The following PSD3 variants were observed in gnomAD, a reference collection of about 807,000 sequenced individuals.
PSD3 encodes the protein pleckstrin and Sec7 domain containing 3.
Under a neutral mutation model 105.5 loss-of-function variants are expected in PSD3, and 49 were observed. The observed-to-expected ratio is 0.46, with a 90% CI of 0.37 to 0.59. The LOEUF is 0.59. Ranked by LOEUF, PSD3 falls within the 20% of genes least tolerant of loss-of-function variation. The probability of loss-of-function intolerance (pLI) is 0.00; values close to 1 mark genes in which losing one functional copy is unlikely to be tolerated. For missense variants in PSD3, 1,561 were observed against 1,263.8 expected (o/e 1.24, Z -3.57); for synonymous variants, 557 against 457.8 (o/e 1.22, Z -2.77).
chr8:18,692,590 G>A (rs938699091), intron 9 of PSD3, among the ~76,000 whole-genome samples: 2 of 152,176 alleles, frequency 1.3e-5, no homozygotes, highest in African/African-American at 4.8e-5. Context: ...ATTTAAGAAG[G>A]ATGATGAGAG....
chr8:18,716,116 A>G (rs1189502764), intron 9 of PSD3, among the ~76,000 whole-genome samples: 2 of 152,206 alleles, frequency 1.3e-5, no homozygotes, highest in Admixed American at 1.3e-4. Context: ...ATGAGTGCAG[A>G]GAACAAAATC....
chr8:18,862,139 C>A (rs1225580882), intron 4 of PSD3, among the ~76,000 whole-genome samples: 1 of 152,138 alleles, frequency 6.6e-6, no homozygotes, highest in African/African-American at 2.4e-5. Flanking sequence ...ATTGTTAGGC[C>A]ACTTGACTTT....
intron 15 of PSD3, 23 bp from the exon 16 acceptor site, chr8:18,535,981 A>G (rs757487574): frequency 1.2e-6 from 2 of 1,602,446 alleles, no homozygotes; most frequent in South Asian, 2.2e-5. Context: ...CCAGAGAACA[A>G]CGGTAGTCAG....
In PSD3 at chr8:19,068,465, G is replaced by GT. The variant is rs375112776; in HGVS notation, c.324+15740dup. Among the ~76,000 whole-genome samples, 134 of 152,088 alleles carry GT rather than the reference G, an allele frequency of 8.8e-4. 1 individual carries two copies. Among genetic ancestry groups the GT allele is most frequent in the African/African-American group, 2.6e-3 (107 of 41,520 alleles). On this transcript the variant is annotated intron_variant, in intron 1 of 1. Coordinates refer to the PSD3 transcript ENST00000521475. ...CCACAATGTCTGGATAATTTTGTTT[G>GT]TTTTTTGTAGAGACAAGGTTTCACT...
intron 14 of PSD3, among the ~76,000 whole-genome samples, chr8:18,559,535 T>C (rs1801269880): frequency 6.6e-6 from 1 of 152,156 alleles, no homozygotes; most frequent in South Asian, 2.1e-4. Flanking sequence ...GGTTAGGAAA[T>C]AATTAGAATC....
chr8:18,680,475 ACT>A lies in PSD3; in HGVS notation c.2173-24792_2173-24791del, dbSNP rs563632031. ...CTCATGGCCAGAAGCCTTGCTAGTA[ACT>A]CTTCCAATAACAGACACCCAATGAA... On this transcript the variant is annotated intron_variant, in intron 9 of 15. Transcript: ENST00000327040. Among the ~76,000 whole-genome samples, 496 of 152,230 alleles carry A rather than the reference ACT, an allele frequency of 3.3e-3. 1 individual carries two copies. Among genetic ancestry groups the A allele is most frequent in the African/African-American group, 0.012 (481 of 41,534 alleles).
intron 9 of PSD3, among the ~76,000 whole-genome samples, chr8:18,689,033 T>C (rs17644811): frequency 0.036 from 5,448 of 152,324 alleles, 443 homozygotes; most frequent in East Asian, 0.2. Flanking sequence ...TGATGCTTTC[T>C]CTAAGGACAC....
intron 1 of PSD3, among the ~76,000 whole-genome samples, chr8:19,053,092 G>A (rs1828587779): frequency 1.3e-5 from 2 of 152,146 alleles, no homozygotes; most frequent in South Asian, 4.1e-4. Context: ...GTCTTGGAGT[G>A]ACAAGGTGAC....
intron 1 of PSD3, among the ~76,000 whole-genome samples, chr8:19,077,911 T>C (rs531056698): frequency 1.3e-5 from 2 of 152,306 alleles, no homozygotes; most frequent in East Asian, 1.9e-4. Flanking sequence ...AGAGAACTAA[T>C]GTAAAGTTGA....
Position 18,556,208 on chromosome 8 carries a change from C to A in PSD3, c.2928+1G>T. On this transcript the variant is annotated splice_donor_variant, in intron 15 of 15. Coordinates refer to ENST00000327040, the MANE Select transcript of PSD3 (RefSeq NM_015310.4). LOFTEE classifies it high-confidence loss of function. ...TTTACTAACATTTGGGTGCAACACACCTCAAACTCCAGATAGTGGTCTTTC... is the reference window on the plus strand; with the variant it reads ...TTTACTAACATTTGGGTGCAACACAACTCAAACTCCAGATAGTGGTCTTTC... 1 of 1,613,614 alleles carries A rather than the reference C, an allele frequency of 6.2e-7. No individual in the cohort carries two copies. Among genetic ancestry groups the A allele is most frequent in the Non-Finnish European group, 8.5e-7 (1 of 1,179,800 alleles).
At chr8:18,793,117 C>A (rs140775288) in intron 8 of PSD3, among the ~76,000 whole-genome samples, 19,315 of 152,016 alleles carry the variant, frequency 0.13, 1,579 homozygotes, top group South Asian at 0.27. Flanking sequence ...TAGGTGGGAA[C>A]TGAACAATGA....
intron 15 of PSD3, among the ~76,000 whole-genome samples, chr8:18,546,217 G>A (rs1289057704): frequency 2.6e-5 from 4 of 152,072 alleles, no homozygotes; most frequent in African/African-American, 9.7e-5. Flanking sequence ...TGCTGGTCTC[G>A]AACTCTTGAC....
chr8:18,684,916 A>C (rs1291163808), intron 9 of PSD3, among the ~76,000 whole-genome samples: 2 of 152,204 alleles, frequency 1.3e-5, no homozygotes, highest in African/African-American at 4.8e-5. Flanking sequence ...ACTAGAAAAC[A>C]AGACCATTTT....
rs1169252857 is a variant in PSD3, at chr8:18,678,905, T to C, written c.2173-23220A>G. The stretch of plus-strand genomic sequence containing the variant: ...ACCCTAATTTATGCATCCCTGAATG[T>C]TCAAACTCTTGAAAATGTATATATG... On this transcript the variant is annotated intron_variant, in intron 9 of 15. Transcript: ENST00000327040. Among the ~76,000 whole-genome samples the C allele has an allele frequency of 2.0e-5, 3 of 152,248 alleles. No individual in the cohort carries two copies. In the South Asian group the frequency reaches 6.2e-4, roughly 31 times the overall value.
chr8:18,649,104 C>G (rs542469878), intron 10 of PSD3, among the ~76,000 whole-genome samples: 3 of 152,298 alleles, frequency 2.0e-5, no homozygotes, highest in East Asian at 3.9e-4. Context: ...CCCAATGGGT[C>G]ACTGCTTAGT....
intron 12 of PSD3, among the ~76,000 whole-genome samples, chr8:18,585,148 G>C (rs1324766102): frequency 6.6e-6 from 1 of 152,146 alleles, no homozygotes; most frequent in Non-Finnish European, 1.5e-5. Flanking sequence ...CCTATCTGAA[G>C]TGGAAACAAA....
chr8:18,873,434 A>G (rs1337627759), intron 2 of PSD3, among the ~76,000 whole-genome samples: 1 of 151,286 alleles, frequency 6.6e-6, no homozygotes, highest in Non-Finnish European at 1.5e-5. Context: ...TTGTTTATAT[A>G]TCTAGATATA....
chr8:18,998,936 TAGATGG>T (rs1380443389), intron 1 of PSD3, among the ~76,000 whole-genome samples: 1 of 151,964 alleles, frequency 6.6e-6, no homozygotes, highest in Non-Finnish European at 1.5e-5. Context: ...ACTCACTCTG[TAGATGG>T]ACATGGTGGG....
intron 1 of PSD3, among the ~76,000 whole-genome samples, chr8:19,035,854 A>C (rs923115412): frequency 6.6e-6 from 1 of 152,052 alleles, no homozygotes; most frequent in African/African-American, 2.4e-5. Context: ...TCCTGAGTTC[A>C]AGCCATTCTT....
Sources: allele counts gnomAD v4.1 joint callset (sites outside exome capture counted in the v4.1 genomes callset), GRCh38; gene constraint gnomAD v4.1.1; transcripts MANE v1.5; gene names NCBI Gene and HGNC (gene_info 2026-07-23, HGNC 2026-07-21).